The following SYNPR variants were observed in gnomAD, a reference collection of about 807,000 sequenced individuals.
The protein encoded by SYNPR is synaptoporin.
In SYNPR, 23 loss-of-function variants were observed where a neutral mutation model predicts 32.9. The observed-to-expected ratio is 0.70, with a 90% CI of 0.50 to 0.99. The LOEUF (loss-of-function observed/expected upper bound fraction) is 0.99, where lower values mean the gene tolerates loss of function less well. Ranked by LOEUF, SYNPR falls within the 50% of genes least tolerant of loss-of-function variation. SYNPR has a pLI of 0.00. For synonymous variants in SYNPR, 146 were observed against 135.9 expected (o/e 1.07, Z -0.52); for missense variants, 318 against 349.3 (o/e 0.91, Z 0.71).
At chr3:63,379,754 T>C (rs1029576279) in intron 2 of SYNPR, among the ~76,000 whole-genome samples, 5 of 152,090 alleles carry the variant, frequency 3.3e-5, no homozygotes, top group African/African-American at 1.2e-4. Flanking sequence ...TTGTTACATA[T>C]GTATACATGT....
intron 2 of SYNPR, among the ~76,000 whole-genome samples, chr3:63,416,392 C>A (rs779875014): frequency 6.6e-6 from 1 of 151,896 alleles, no homozygotes; most frequent in Non-Finnish European, 1.5e-5. Context: ...ATTAGCCAGG[C>A]GTGGTGGTGC....
intron 2 of SYNPR, among the ~76,000 whole-genome samples, chr3:63,441,401 C>G (rs1031608259): frequency 6.6e-6 from 1 of 152,204 alleles, no homozygotes; most frequent in Admixed American, 6.5e-5. Context: ...TGGTTCTACC[C>G]TACAGGTGCA....
At chr3:63,491,589 G>A (rs1701258116) in intron 3 of SYNPR, among the ~76,000 whole-genome samples, 1 of 152,038 alleles carries the variant, frequency 6.6e-6, no homozygotes, top group Admixed American at 6.6e-5. Context: ...GGTGCAATCT[G>A]GACTTACTGC....
intron 2 of SYNPR, among the ~76,000 whole-genome samples, chr3:63,306,431 T>G (rs1575592671): frequency 6.6e-6 from 1 of 151,918 alleles, no homozygotes; most frequent in African/African-American, 2.4e-5. Context: ...CTAAGGCAGG[T>G]GGCTTCTTTT....
chr3:63,525,875 A>T (rs906150226), intron 3 of SYNPR, among the ~76,000 whole-genome samples: 1 of 152,098 alleles, frequency 6.6e-6, no homozygotes, highest in South Asian at 2.1e-4. Flanking sequence ...GAAAAGCCAC[A>T]CTTCTTGTAC....
rs1439415519 is a variant in SYNPR, at chr3:63,595,730, T to G, written c.409-13395T>G. 1.4e-3 allele frequency among the ~76,000 whole-genome samples: 35 copies of G among 24,800 alleles called. No homozygotes were observed. In the Middle Eastern group the frequency reaches 0.05, roughly 35 times the overall value. The allele number at this position is 24,800 out of a possible 152,430, so 16.3% of individuals were successfully genotyped here. ...CTGAATCTTATTTTATATATATATATATATATATATATATATATATATATA... is the reference window on the plus strand; with the variant it reads ...CTGAATCTTATTTTATATATATATAGATATATATATATATATATATATATA... On this transcript the variant is annotated intron_variant, in intron 4 of 5. Transcript: ENST00000478300.
chr3:63,275,296 T>C (rs1397509358), upstream of SYNPR, among the ~76,000 whole-genome samples: 1 of 152,204 alleles, frequency 6.6e-6, no homozygotes, highest in Non-Finnish European at 1.5e-5. Context: ...TAACCCAAAG[T>C]CTACAAAATA....
At chr3:63,366,537 G>A (rs138183011) in intron 2 of SYNPR, among the ~76,000 whole-genome samples, 169 of 152,190 alleles carry the variant, frequency 1.1e-3, no homozygotes, top group African/African-American at 3.8e-3. Context: ...CATTTATTGA[G>A]GAATGGTTTT....
intron 4 of SYNPR, among the ~76,000 whole-genome samples, chr3:63,576,181 G>T (rs148157152): frequency 1.2e-4 from 18 of 152,188 alleles, no homozygotes; most frequent in African/African-American, 3.9e-4. Context: ...CATCATCCCT[G>T]TATAGCCTTT....
rs1303537532 is a variant in SYNPR at position 63,595,773 on chromosome 3, TTA to T, written c.409-13341_409-13340del. On this transcript the variant is annotated intron_variant, in intron 4 of 5. Coordinates refer to ENST00000478300, the MANE Select transcript of SYNPR (RefSeq NM_001130003.2). ...TATATATATATATATATATATAATT[TTA>T]TATATATATAGTTATATATATATAG... 3.6e-4 allele frequency among the ~76,000 whole-genome samples: 18 copies of T among 50,584 alleles called. 1 individual carries two copies. The highest frequency in any genetic ancestry group is 2.1e-3 in the South Asian group (3 of 1,434). 33.2% of individuals were successfully genotyped at this position (50,584 alleles called of 152,430 possible).
intron 4 of SYNPR, among the ~76,000 whole-genome samples, chr3:63,591,821 G>A (rs1369013415): frequency 2.6e-4 from 32 of 123,600 alleles, no homozygotes; most frequent in African/African-American, 9.1e-4. Context: ...TGGGGGGAGG[G>A]GGGGAGGGAT....
chr3:63,418,674 G>A (rs1183344879), intron 2 of SYNPR, among the ~76,000 whole-genome samples: 1 of 152,206 alleles, frequency 6.6e-6, no homozygotes, highest in Admixed American at 6.5e-5. Context: ...CAACATGGCA[G>A]CAGGCAGAGA....
intron 2 of SYNPR, among the ~76,000 whole-genome samples, chr3:63,359,288 T>C (rs564193037): frequency 1.1e-4 from 16 of 152,278 alleles, no homozygotes; most frequent in Middle Eastern, 3.4e-3. Context: ...CAGGAGACTT[T>C]ACCTGCATGA....
chr3:63,490,121 C>T (rs1049122213), intron 3 of SYNPR, among the ~76,000 whole-genome samples: 1 of 151,994 alleles, frequency 6.6e-6, no homozygotes, highest in Non-Finnish European at 1.5e-5. Flanking sequence ...TGAGTGCAGA[C>T]CTGAAAGAAT....
chr3:63,419,821 A>T (rs1575634683), intron 2 of SYNPR, among the ~76,000 whole-genome samples: 1 of 152,334 alleles, frequency 6.6e-6, no homozygotes, highest in African/African-American at 2.4e-5. Context: ...CTTTCTTAAC[A>T]CAGAACAGAG....
intron 4 of SYNPR, among the ~76,000 whole-genome samples, chr3:63,599,023 T>C (rs1700000076): frequency 6.6e-6 from 1 of 152,152 alleles, no homozygotes; most frequent in Non-Finnish European, 1.5e-5. Context: ...ATAACACAAA[T>C]GAGAAAGTTA....
At chr3:63,456,764 C>T (rs530109322) in intron 2 of SYNPR, among the ~76,000 whole-genome samples, 4 of 151,964 alleles carry the variant, frequency 2.6e-5, no homozygotes, top group South Asian at 4.2e-4. Flanking sequence ...GAGGTCTTGC[C>T]GCTTGTCCCA....
chr3:63,322,400 G>T (rs1045013079), intron 2 of SYNPR, among the ~76,000 whole-genome samples: 2 of 152,024 alleles, frequency 1.3e-5, no homozygotes, highest in Non-Finnish European at 2.9e-5. Flanking sequence ...CCACTTTACA[G>T]ATCAGGAAAC....
At chr3:63,551,943 G>T (rs1380556458) in intron 3 of SYNPR, among the ~76,000 whole-genome samples, 1 of 151,516 alleles carries the variant, frequency 6.6e-6, no homozygotes, top group Non-Finnish European at 1.5e-5. Flanking sequence ...TGTTGTCCAG[G>T]CTGAGGTGCA....
Sources: allele counts gnomAD v4.1 joint callset (sites outside exome capture counted in the v4.1 genomes callset), GRCh38; gene constraint gnomAD v4.1.1; transcripts MANE v1.5; gene names NCBI Gene and HGNC (gene_info 2026-07-23, HGNC 2026-07-21).